The following LAMA5 variants were observed in gnomAD, a reference collection of about 807,000 sequenced individuals.
The protein encoded by LAMA5 is laminin subunit alpha-5.
Under a neutral mutation model 433.4 loss-of-function variants are expected in LAMA5, and 260 were observed. The observed-to-expected ratio is 0.60, with a 90% CI of 0.54 to 0.66. LAMA5 has a LOEUF of 0.66. LAMA5 is among the 30% of genes least tolerant of loss of function. The probability of loss-of-function intolerance (pLI) is 0.00; values close to 1 mark genes in which losing one functional copy is unlikely to be tolerated. For missense variants in LAMA5, 5,378 were observed against 5,258.5 expected (o/e 1.02, Z -0.70); for synonymous variants, 2,620 against 2,226.6 (o/e 1.18, Z -4.97).
chr20:62,311,816 T>TGGCCCCCCC, intron 70 of LAMA5, 32 bp from the exon 71 acceptor site: 19 of 1,520,892 alleles, frequency 1.2e-5, no homozygotes, highest in Non-Finnish European at 1.5e-5. Flanking sequence ...GCTCGGTTTT[T>TGGCCCCCCC]CCCCACCCTG....
At position 62,313,449 on chromosome 20, in the gene LAMA5, C is replaced by T; in HGVS notation, c.8670G>A (p.Leu2890=). 1 of 1,607,558 alleles carries T rather than the reference C, an allele frequency of 6.2e-7. No individual in the cohort carries two copies. Among genetic ancestry groups the T allele is most frequent in the Non-Finnish European group, 8.5e-7 (1 of 1,177,556 alleles). The change falls in exon 64 of 80, where the codon CTG becomes CTA. Residue 2890 remains leucine, a synonymous_variant. Transcript: ENST00000252999. ...AGCCCCGGTAGCCGGGGAAGCGAAG[C>T]AGGGGAGGGGGCTGTGGGCACAGGG... The part of the protein sequence containing the change: ...GYPSTFTPPP[L]LRFPGYRGCI...
Position 62,317,460 on chromosome 20 carries a change from T to G in LAMA5, c.7396A>C (p.Thr2466Pro). ...RLAASLDGAR[T>P]PLLQRMQTFS... is the part of the protein sequence containing the mutation. ...GTCTGCATCCTCTGCAGCAGTGGGG[T>G]CCGAGCCCCATCCAGGCTGGCGGCG... Residue 2466 changes from threonine to proline, a missense_variant, in exon 55 of 80, where the codon ACC becomes CCC. Coordinates refer to ENST00000252999, the MANE Select transcript of LAMA5 (RefSeq NM_005560.6). The G allele has an allele frequency of 6.3e-7, 1 of 1,582,478 alleles. No individual in the cohort carries two copies. Among genetic ancestry groups the G allele is most frequent in the South Asian group, 1.1e-5 (1 of 87,632 alleles).
At chr20:62,309,640 G>GGGGGGGTGGGGGGGGGT (rs1337824019) in intron 79 of LAMA5, 76 bp downstream of exon 79, 1 of 988,210 alleles carries the variant, frequency 1.0e-6, no homozygotes, top group African/African-American at 4.4e-5. Flanking sequence ...GTGGAGGGGT[G>GGGGGGGTGGGGGGGGGT]GGGGGAGGGT....
rs138591966 is a variant in LAMA5 at position 62,337,637 on chromosome 20, C to T, written c.2117G>A (p.Arg706Gln). Residue 706 changes from arginine to glutamine, a missense_variant, in exon 16 of 80, where the codon CGG becomes CAG. Arg to Gln is a conservative substitution (Grantham distance 43). Transcript: ENST00000252999. ...CSCRPRVTGL[R>Q]CDTCVPGAYN... ...GGCACCGGGCACACATGTGTCACAC[C>T]GCAGCCCCGTCACACGGGGCCGGCA... 60 of 1,611,980 alleles carry T rather than the reference C, an allele frequency of 3.7e-5. 1 individual carries two copies. The highest frequency in any genetic ancestry group is 1.2e-4 in the Admixed American group (7 of 59,950).
At chr20:62,325,127 G>A in intron 41 of LAMA5, 189 bp downstream of exon 41, 4 of 570,488 alleles carry the variant, frequency 7.0e-6, no homozygotes, top group Non-Finnish European at 1.2e-5. Flanking sequence ...ACGAGGGGCA[G>A]GCAGACAGGC....
intron 28 of LAMA5, among the ~76,000 whole-genome samples, chr20:62,331,850 G>A (rs1980521110): frequency 6.6e-6 from 1 of 152,204 alleles, no homozygotes. Context: ...TCAGGAGTTT[G>A]AGAATAGCCT....
In LAMA5 at chr20:62,333,422, C is replaced by T. The variant is rs1980881980; in HGVS notation, c.3081G>A (p.Val1027=). 6.2e-7 allele frequency: 1 copy of T among 1,612,740 alleles called. No individual in the cohort carries two copies. The highest frequency in any genetic ancestry group is 8.5e-7 in the Non-Finnish European group (1 of 1,179,896). ...YYEAALLQLR[V]TEACTYRPSA... ...AGGGACGGTATGTGCAGGCCTCAGTCACCCGCAGCTGCAGGAGCGCCGCCT... is the reference window on the plus strand; with the variant it reads ...AGGGACGGTATGTGCAGGCCTCAGTTACCCGCAGCTGCAGGAGCGCCGCCT... The change falls in exon 25 of 80, where the codon GTG becomes GTA. Residue 1027 remains valine, a synonymous_variant. Transcript: ENST00000252999.
At position 62,316,057 on chromosome 20, in the gene LAMA5, C is replaced by T; in HGVS notation, c.7758G>A (p.Val2586=). ...MLQEQQRLGL[V]WAALQGARTQ... Reference sequence around the variant, plus strand: ...TCCTGGCACCCTGGAGGGCAGCCCACACTGCGGGGGAGGCAGCTTCAGCTC... The same window carrying T: ...TCCTGGCACCCTGGAGGGCAGCCCATACTGCGGGGGAGGCAGCTTCAGCTC... The change falls in exon 58 of 80, where the codon GTG becomes GTA. Residue 2586 remains valine, a splice_region_variant and synonymous_variant. Coordinates refer to ENST00000252999, the MANE Select transcript of LAMA5 (RefSeq NM_005560.6). 1.2e-6 allele frequency: 2 copies of T among 1,604,772 alleles called. No homozygotes were observed. Among genetic ancestry groups the T allele is most frequent in the Non-Finnish European group, 1.7e-6 (2 of 1,177,140 alleles).
Position 62,317,022 on chromosome 20 carries a change from T to C in LAMA5, c.7513A>G (p.Ile2505Val). The C allele has an allele frequency of 6.6e-7, 1 of 1,524,770 alleles. No homozygotes were observed. The highest frequency in any genetic ancestry group is 1.3e-5 in the South Asian group (1 of 78,482). 94.5% of individuals were successfully genotyped at this position (1,524,770 alleles called of 1,614,324 possible). ...LGQLALNLSS[I>V]ILDVNQDRLT... The stretch of plus-strand genomic sequence containing the variant: ...CGGTCCTGGTTGACGTCCAGGATGA[T>C]GCTGCAGCGGAAGGGAGGGTCGAAG... The change falls in exon 56 of 80, where the codon ATC (isoleucine) becomes GTC (valine). Residue 2505 changes from isoleucine (I) to valine (V), a missense_variant and splice_region_variant. Transcript: ENST00000252999.
intron 2 of LAMA5, among the ~76,000 whole-genome samples, chr20:62,361,461 C>T (rs917841308): frequency 1.3e-5 from 2 of 152,162 alleles, no homozygotes; most frequent in African/African-American, 4.8e-5. Context: ...AGGTGCCTGC[C>T]CCTTGGGGCC....
At position 62,338,296 on chromosome 20, in the gene LAMA5, C is replaced by T; in HGVS notation, c.1692G>A (p.Val564=). ...GATCACATGTGGCCCCCTCGAAGCC[C>T]ACTCGGCACCTGCACTGGCCTGTGT... The part of the protein sequence containing the change: ...DPDTGQCRCR[V]GFEGATCDRC... Residue 564 remains valine, a synonymous_variant, in exon 13 of 80, where the codon GTG becomes GTA. Transcript: ENST00000252999. 6.2e-7 allele frequency: 1 copy of T among 1,604,184 alleles called. No homozygotes were observed. The highest frequency in any genetic ancestry group is 8.5e-7 in the Non-Finnish European group (1 of 1,175,772).
rs765007358 is a variant in LAMA5 at position 62,325,366 on chromosome 20, T to TGCTGGCCAGGGCCCCCTGGCCTGCTGG, written c.5452_5478dup (p.Pro1818_Ser1826dup). ...GCGGGGCACAGGCACAGCTCCACATTGCTGGCCAGGGCCCCCTGGCCTGCT... is the reference window on the plus strand; with the variant it reads ...GCGGGGCACAGGCACAGCTCCACATTGCTGGCCAGGGCCCCCTGGCCTGCTGGGCTGGCCAGGGCCCCCTGGCCTGCT... On this transcript the variant is annotated inframe_insertion, in exon 41 of 80. Coordinates refer to ENST00000252999, the MANE Select transcript of LAMA5 (RefSeq NM_005560.6). 118 of 1,608,396 alleles carry TGCTGGCCAGGGCCCCCTGGCCTGCTGG rather than the reference T, an allele frequency of 7.3e-5. No homozygotes were observed. Among genetic ancestry groups the TGCTGGCCAGGGCCCCCTGGCCTGCTGG allele is most frequent in the East Asian group, 1.3e-4 (6 of 44,740 alleles).
intron 50 of LAMA5, among the ~76,000 whole-genome samples, chr20:62,320,190 T>C (rs1311797487): frequency 1.3e-5 from 2 of 151,608 alleles, no homozygotes; most frequent in African/African-American, 2.4e-5. Flanking sequence ...TGGTGGCGTG[T>C]GCCTGTAATC....
At position 62,346,539 on chromosome 20, in the gene LAMA5, T is replaced by A. The variant is rs559408041; in HGVS notation, c.1249A>T (p.Asn417Tyr). ...ACGTGGGGCGAGTCGAGAGGGTGGT[T>A]GGGAGAGCGGTAGAAGCCGGGCAGG... is the stretch of plus-strand genomic sequence containing the variant. ...RCLPGFYRSP[N>Y]HPLDSPHVCR... The change falls in exon 9 of 80, where the codon AAC becomes TAC. Residue 417 changes from asparagine (N) to tyrosine (Y), a missense_variant. Physicochemically the swap from Asn to Tyr is moderately radical, Grantham distance 143. Transcript: ENST00000252999. The A allele has an allele frequency of 8.4e-6, 13 of 1,555,740 alleles. No individual in the cohort carries two copies. In the East Asian group the frequency reaches 3.2e-4, roughly 38 times the overall value.
intron 43 of LAMA5, 62 bp from the exon 44 acceptor site, chr20:62,323,918 A>G: frequency 3.3e-6 from 5 of 1,509,740 alleles, no homozygotes; most frequent in Non-Finnish European, 3.6e-6. Context: ...GGGCGAGCAC[A>G]CTGTGCTCCG....
intron 3 of LAMA5, 110 bp downstream of exon 3, chr20:62,353,024 G>A (rs1984599873): frequency 4.1e-6 from 3 of 738,824 alleles, no homozygotes; most frequent in Admixed American, 5.6e-5. Context: ...CAGCAGCCGG[G>A]TGTGAGGGCA....
Position 62,335,109 on chromosome 20 carries a change from G to GA in LAMA5, c.2393dup (p.Cys799LeufsTer24). On this transcript the variant is annotated frameshift_variant, in exon 20 of 80. Coordinates refer to ENST00000252999, the MANE Select transcript of LAMA5 (RefSeq NM_005560.6). LOFTEE classifies it high-confidence loss of function. ...CCTGGCCGCACACGTGGGGCTTGCA[G>GA]AAGCACTGGCCGGTGCCCTGGGGGC... 1 of 1,612,990 alleles carries GA rather than the reference G, an allele frequency of 6.2e-7. No individual in the cohort carries two copies. Among genetic ancestry groups the GA allele is most frequent in the Non-Finnish European group, 8.5e-7 (1 of 1,179,684 alleles).
rs1440063425 is a variant in LAMA5, at chr20:62,359,726, C to T, written c.450+2674G>A. On this transcript the variant is annotated intron_variant, in intron 2 of 79. Transcript: ENST00000252999. This position sits in a 1 kb window ranked among gnomAD's most constrained non-coding sequence, Gnocchi z 4.3. ...AGAACCCCTCCACGGCTGGGCGCAG[C>T]GGGACCCAGGCCAGGAGCCCAGCTG... Among the ~76,000 whole-genome samples the T allele has an allele frequency of 6.6e-5, 10 of 151,792 alleles. No homozygotes were observed. Among genetic ancestry groups the T allele is most frequent in the South Asian group, 6.3e-4 (3 of 4,788 alleles).
intron 11 of LAMA5, among the ~76,000 whole-genome samples, chr20:62,345,261 C>T (rs1983169642): frequency 6.6e-6 from 1 of 151,846 alleles, no homozygotes; most frequent in Non-Finnish European, 1.5e-5. Flanking sequence ...CCTTGGCCTC[C>T]TGAAGTGCTG....
Sources: allele counts gnomAD v4.1 joint callset (sites outside exome capture counted in the v4.1 genomes callset), GRCh38; gene constraint gnomAD v4.1.1; non-coding constraint Gnocchi (gnomAD v3.1); transcripts MANE v1.5; gene names NCBI Gene and HGNC (gene_info 2026-07-23, HGNC 2026-07-21).